Variants in ROBO2 observed in about 807,000 individuals in gnomAD.
The protein encoded by ROBO2 is roundabout guidance receptor 2.
Under a neutral mutation model 160.8 loss-of-function variants are expected in ROBO2, and 53 were observed. The ratio of observed to expected loss-of-function variants is 0.33; its 90% CI spans 0.26 to 0.41. ROBO2 has a LOEUF of 0.41. Among genes scored for constraint, ROBO2 ranks in the 10% least tolerant of loss-of-function variants. The pLI, the probability that ROBO2 is intolerant of heterozygous loss-of-function variation, is 1.00. For missense variants in ROBO2, 1,577 were observed against 1,722.4 expected (o/e 0.92, Z 1.49); for synonymous variants, 664 against 611.7 (o/e 1.09, Z -1.26).
chr3:77,482,698 A>C (rs1300896011), intron 4 of ROBO2, among the ~76,000 whole-genome samples: 1 of 152,170 alleles, frequency 6.6e-6, no homozygotes, highest in Non-Finnish European at 1.5e-5. Flanking sequence ...TAAGAGTCTC[A>C]AGATGTGCTC....
chr3:76,350,545 C>G (rs1319267306), intron 2 of ROBO2, among the ~76,000 whole-genome samples: 2 of 151,970 alleles, frequency 1.3e-5, no homozygotes, highest in Non-Finnish European at 2.9e-5. Context: ...AAGTGACTTT[C>G]TCTTGCTATT....
chr3:76,601,626 C>T (rs1005641554), intron 2 of ROBO2, among the ~76,000 whole-genome samples: 1 of 152,164 alleles, frequency 6.6e-6, no homozygotes, highest in Non-Finnish European at 1.5e-5. Flanking sequence ...CACCAAGTCC[C>T]TAGACTGCAC....
intron 2 of ROBO2, among the ~76,000 whole-genome samples, chr3:77,254,163 G>T (rs1377939233): frequency 6.6e-6 from 1 of 152,156 alleles, no homozygotes; most frequent in Non-Finnish European, 1.5e-5. Flanking sequence ...TTAGCTACTC[G>T]CTGAGGTCTG....
At chr3:76,258,259 G>T (rs534776687) in intron 2 of ROBO2, among the ~76,000 whole-genome samples, 1 of 151,586 alleles carries the variant, frequency 6.6e-6, no homozygotes, top group Admixed American at 6.6e-5. Flanking sequence ...CTGTATATTT[G>T]ATATTTGATG....
intron 2 of ROBO2, among the ~76,000 whole-genome samples, chr3:77,367,153 A>C (rs1432720223): frequency 6.6e-6 from 1 of 152,006 alleles, no homozygotes; most frequent in African/African-American, 2.4e-5. Context: ...TACACATACC[A>C]CTCATTGGAA....
At chr3:77,071,773 G>T (rs546497186) in intron 1 of ROBO2, among the ~76,000 whole-genome samples, 7 of 152,272 alleles carry the variant, frequency 4.6e-5, no homozygotes, top group African/African-American at 1.7e-4. Context: ...CAAAGGGATT[G>T]CGCATAATCA....
At chr3:76,350,647 G>A (rs1308467809) in intron 2 of ROBO2, among the ~76,000 whole-genome samples, 1 of 151,928 alleles carries the variant, frequency 6.6e-6, no homozygotes, top group Non-Finnish European at 1.5e-5. Flanking sequence ...ACAGAAGTCT[G>A]AAAGCATTAA....
chr3:76,089,628 C>A (rs949012827), intron 2 of ROBO2, among the ~76,000 whole-genome samples: 4 of 152,004 alleles, frequency 2.6e-5, no homozygotes, highest in Admixed American at 1.3e-4. Flanking sequence ...CAAAATCAAA[C>A]ACCCATTCAT....
intron 1 of ROBO2, among the ~76,000 whole-genome samples, chr3:75,931,529 T>A (rs1467604384): frequency 6.6e-6 from 1 of 152,050 alleles, no homozygotes; most frequent in African/African-American, 2.4e-5. Flanking sequence ...CTGTTTTATT[T>A]TTAGTAGAGA....
At chr3:76,345,949 T>C (rs1374899883) in intron 2 of ROBO2, among the ~76,000 whole-genome samples, 1 of 152,126 alleles carries the variant, frequency 6.6e-6, no homozygotes, top group African/African-American at 2.4e-5. Context: ...TCATTTTTTA[T>C]TCCCAACTGA....
At chr3:76,228,466 CAG>C (rs1704425683) in intron 2 of ROBO2, among the ~76,000 whole-genome samples, 2 of 151,904 alleles carry the variant, frequency 1.3e-5, no homozygotes, top group African/African-American at 4.8e-5. Flanking sequence ...AAATTACAGA[CAG>C]ACAGTTTTTT....
chr3:76,949,684 G>A (rs1271666654), intron 2 of ROBO2, among the ~76,000 whole-genome samples: 1 of 152,130 alleles, frequency 6.6e-6, no homozygotes, highest in Non-Finnish European at 1.5e-5. Flanking sequence ...GTAATGGAAC[G>A]AGCTTGTTTA....
chr3:77,592,617 T>C (rs1268485705), intron 17 of ROBO2, among the ~76,000 whole-genome samples: 1 of 152,152 alleles, frequency 6.6e-6, no homozygotes, highest in Non-Finnish European at 1.5e-5. Flanking sequence ...AGTGGCACGA[T>C]CTTGGCTCAC....
At chr3:76,376,899 G>A (rs939851771) in intron 2 of ROBO2, among the ~76,000 whole-genome samples, 1 of 152,068 alleles carries the variant, frequency 6.6e-6, no homozygotes, top group Non-Finnish European at 1.5e-5. Context: ...TTAGGTTCTG[G>A]TTGTATCCTG....
intron 2 of ROBO2, among the ~76,000 whole-genome samples, chr3:76,061,628 G>A (rs1433791402): frequency 6.6e-6 from 1 of 152,152 alleles, no homozygotes; most frequent in East Asian, 1.9e-4. Flanking sequence ...ACAGCTGGAA[G>A]CACCAGAAAT....
At chr3:77,546,935 A>G (rs1427814204) in intron 7 of ROBO2, among the ~76,000 whole-genome samples, 2 of 152,070 alleles carry the variant, frequency 1.3e-5, no homozygotes, top group East Asian at 3.9e-4. Flanking sequence ...CTTACCCTTA[A>G]TTAAAGCATG....
At chr3:77,081,238 G>A (rs2068621237) in intron 1 of ROBO2, among the ~76,000 whole-genome samples, 2 of 152,160 alleles carry the variant, frequency 1.3e-5, no homozygotes, top group South Asian at 2.1e-4. Flanking sequence ...ACTTATATTG[G>A]GAATTTGATT....
At chr3:76,430,922 TTTAA>T (rs1328638858) in intron 2 of ROBO2, among the ~76,000 whole-genome samples, 4 of 152,040 alleles carry the variant, frequency 2.6e-5, no homozygotes, top group Non-Finnish European at 4.4e-5. Context: ...AATTTTAACT[TTTAA>T]TTAGTGAAAT....
intron 2 of ROBO2, among the ~76,000 whole-genome samples, chr3:77,023,112 G>A (rs943039047): frequency 5.9e-5 from 9 of 152,134 alleles, no homozygotes; most frequent in African/African-American, 1.4e-4. Flanking sequence ...GTTGTGGGAG[G>A]GACCCAGGGG....
Sources: allele counts gnomAD v4.1 joint callset (sites outside exome capture counted in the v4.1 genomes callset), GRCh38; gene constraint gnomAD v4.1.1; transcripts MANE v1.5; gene names NCBI Gene and HGNC (gene_info 2026-07-23, HGNC 2026-07-21).